The following GLI2 variants were observed in gnomAD, a reference collection of about 807,000 sequenced individuals.
GLI2 encodes GLI family zinc finger 2, also known as transcription activator GLI2.
A neutral mutation model predicts 78.9 loss-of-function variants in GLI2; 22 were observed. The ratio of observed to expected loss-of-function variants is 0.28; its 90% CI spans 0.20 to 0.40. The LOEUF is 0.40. Ranked by LOEUF, GLI2 falls within the 10% of genes least tolerant of loss-of-function variation. The probability of loss-of-function intolerance (pLI) is 1.00; values close to 1 mark genes in which losing one functional copy is unlikely to be tolerated. For synonymous variants in GLI2, 974 were observed against 963.7 expected (o/e 1.01, Z -0.20); for missense variants, 2,097 against 2,213.2 (o/e 0.95, Z 1.05).
chr2:120,933,923 C>G (rs910782047), intron 3 of GLI2, among the ~76,000 whole-genome samples: 1 of 151,222 alleles, frequency 6.6e-6, no homozygotes, highest in Non-Finnish European at 1.5e-5. Context: ...TCAGCTGCTT[C>G]CTGCCCAGAA....
chr2:120,855,729 C>G (rs896761722), intron 2 of GLI2, among the ~76,000 whole-genome samples: 12 of 152,164 alleles, frequency 7.9e-5, no homozygotes, highest in African/African-American at 2.7e-4. Flanking sequence ...GGTAACAGTC[C>G]CATAATCCTC....
intron 1 of GLI2, among the ~76,000 whole-genome samples, chr2:120,787,110 C>G (rs574847109): frequency 3.9e-5 from 6 of 152,258 alleles, no homozygotes; most frequent in Admixed American, 6.5e-5. Context: ...CAAGACAGAC[C>G]CCTGCCTGGC....
intron 1 of GLI2, among the ~76,000 whole-genome samples, chr2:120,741,756 C>G (rs138686163): frequency 0.032 from 4,911 of 152,174 alleles, 91 homozygotes; most frequent in Middle Eastern, 0.068. Context: ...CCGAGCGCCC[C>G]GGGCCCGCGG....
At chr2:120,934,767 C>T (rs1390262368) in intron 3 of GLI2, among the ~76,000 whole-genome samples, 2 of 152,096 alleles carry the variant, frequency 1.3e-5, no homozygotes, top group Non-Finnish European at 2.9e-5. Flanking sequence ...GATGTTTAGC[C>T]GGGTGTCGGT....
intron 7 of GLI2, among the ~76,000 whole-genome samples, chr2:120,971,565 T>C (rs1002939932): frequency 2.0e-5 from 3 of 152,250 alleles, no homozygotes; most frequent in Admixed American, 1.3e-4. Context: ...TGGCCCCCTA[T>C]GCCCTGGGCT....
intron 2 of GLI2, among the ~76,000 whole-genome samples, chr2:120,803,477 C>T (rs1421240028): frequency 6.6e-6 from 1 of 152,226 alleles, no homozygotes; most frequent in African/African-American, 2.4e-5. Context: ...TAGAAAGTTT[C>T]CCTTTCACTG....
Position 120,888,627 on chromosome 2 carries a change from T to C in GLI2, c.149-38734T>C, listed in dbSNP as rs575192796. ...TACTAGGGTGTGGTGGGTGGGGAGA[T>C]TGTTGAGTTTTTTTTTATTGCAACC... On this transcript the variant is annotated intron_variant, in intron 2 of 13. Coordinates refer to ENST00000361492, the MANE Select transcript of GLI2 (RefSeq NM_001374353.1). Among the ~76,000 whole-genome samples the C allele has an allele frequency of 1.1e-4, 17 of 151,724 alleles. No homozygotes were observed. In the South Asian group the frequency reaches 2.7e-3, roughly 24 times the overall value.
chr2:120,848,336 C>T lies in GLI2; in HGVS notation c.148+50868C>T, dbSNP rs79055825. Among the ~76,000 whole-genome samples the T allele has an allele frequency of 1.8e-3, 272 of 152,302 alleles. 3 individuals are homozygous for T. Among genetic ancestry groups the T allele is most frequent in the South Asian group, 9.1e-3 (44 of 4,826 alleles). ...AAGAGCTCCTTGGCGTTGGGAGCTA[C>T]GCAGCCTCACCCCTCATCTTATCAC... On this transcript the variant is annotated intron_variant, in intron 2 of 13. Coordinates refer to ENST00000361492, the MANE Select transcript of GLI2 (RefSeq NM_001374353.1).
chr2:120,812,468 C>T (rs368212021), intron 2 of GLI2, among the ~76,000 whole-genome samples: 2 of 152,152 alleles, frequency 1.3e-5, no homozygotes, highest in Admixed American at 6.5e-5. Flanking sequence ...GAAGCTGAGA[C>T]GCAGGCCGGA....
chr2:120,755,264 C>T (rs770666428), intron 1 of GLI2, among the ~76,000 whole-genome samples: 2 of 152,166 alleles, frequency 1.3e-5, no homozygotes, highest in Non-Finnish European at 2.9e-5. Context: ...GTAATACTTG[C>T]AATAGTTAGT....
At chr2:120,780,649 C>A (rs1044318530) in intron 1 of GLI2, among the ~76,000 whole-genome samples, 1 of 152,200 alleles carries the variant, frequency 6.6e-6, no homozygotes, top group African/African-American at 2.4e-5. Context: ...GTATCACTGT[C>A]CACTACACTA....
chr2:120,767,726 G>A (rs1258175358), intron 1 of GLI2, among the ~76,000 whole-genome samples: 1 of 152,210 alleles, frequency 6.6e-6, no homozygotes. Flanking sequence ...AGTGGCCTGC[G>A]TGGGCTCTGG....
At chr2:120,802,165 C>A (rs1009963394) in intron 2 of GLI2, among the ~76,000 whole-genome samples, 1 of 152,176 alleles carries the variant, frequency 6.6e-6, no homozygotes, top group African/African-American at 2.4e-5. Flanking sequence ...TGCCTGACTT[C>A]CCCTAGGAGT....
chr2:120,989,769 G>A lies in GLI2; in HGVS notation c.3804G>A (p.Gln1268=). The A allele has an allele frequency of 3.1e-6, 5 of 1,611,992 alleles. No individual in the cohort carries two copies. Among genetic ancestry groups the A allele is most frequent in the South Asian group, 1.1e-5 (1 of 90,928 alleles). ...AKPGHLGHPQ[Q]TEVAPDPTTM... Reference sequence around the variant, plus strand: ...CAGGGCATCTGGGGCACCCTCAGCAGACAGAAGTGGCACCTGACCCCACCA... The same window carrying A: ...CAGGGCATCTGGGGCACCCTCAGCAAACAGAAGTGGCACCTGACCCCACCA... The change falls in exon 14 of 14, where the codon CAG becomes CAA. Residue 1268 remains glutamine (Q), a synonymous_variant. Transcript: ENST00000361492.
intron 2 of GLI2, among the ~76,000 whole-genome samples, chr2:120,814,973 GTGTCCTGTCC>G (rs113343370): frequency 6.6e-6 from 1 of 152,142 alleles, no homozygotes; most frequent in Non-Finnish European, 1.5e-5. Flanking sequence ...ACAAGGGCCA[GTGTCCTGTCC>G]TGTCCTGTCC....
chr2:120,849,291 C>A (rs528724514), intron 2 of GLI2, among the ~76,000 whole-genome samples: 1 of 152,290 alleles, frequency 6.6e-6, no homozygotes, highest in African/African-American at 2.4e-5. Context: ...CTGAACTGTA[C>A]ACTTAAAAAT....
chr2:120,971,796 G>T, intron 7 of GLI2, 145 bp from the exon 8 acceptor site: 1 of 750,666 alleles, frequency 1.3e-6, no homozygotes, highest in Non-Finnish European at 2.4e-6. Flanking sequence ...GCAGGACTGA[G>T]CTGGGGACTC....
At chr2:120,850,847 A>G (rs1687373747) in intron 2 of GLI2, among the ~76,000 whole-genome samples, 1 of 152,254 alleles carries the variant, frequency 6.6e-6, no homozygotes, top group Non-Finnish European at 1.5e-5. Flanking sequence ...TGTCCTCTGT[A>G]TAAATAACCA....
chr2:120,747,389 G>A (rs1445020358), intron 1 of GLI2, among the ~76,000 whole-genome samples: 1 of 152,172 alleles, frequency 6.6e-6, no homozygotes, highest in Non-Finnish European at 1.5e-5. Flanking sequence ...TGTTCACCTG[G>A]GCAGTAGGGG....
Sources: allele counts gnomAD v4.1 joint callset (sites outside exome capture counted in the v4.1 genomes callset), GRCh38; gene constraint gnomAD v4.1.1; transcripts MANE v1.5; gene names NCBI Gene and HGNC (gene_info 2026-07-23, HGNC 2026-07-21).